The following GRM7 variants were observed in gnomAD, a reference collection of about 807,000 sequenced individuals.
GRM7 encodes glutamate metabotropic receptor 7, also known as metabotropic glutamate receptor 7.
Under a neutral mutation model 84.5 loss-of-function variants are expected in GRM7, and 35 were observed. The observed-to-expected ratio is 0.41, with a 90% CI of 0.32 to 0.55. The LOEUF is 0.55. GRM7 is among the 20% of genes least tolerant of loss of function. The probability of loss-of-function intolerance (pLI) is 0.19; values close to 1 mark genes in which losing one functional copy is unlikely to be tolerated. For synonymous variants in GRM7, 487 were observed against 455.1 expected, an observed-to-expected ratio of 1.07 and a Z score of -0.89; for missense variants, 1,003 against 1,194.6, an observed-to-expected ratio of 0.84 and a Z score of 2.36.
chr3:7,661,402 T>G (rs1287516304), intron 8 of GRM7, among the ~76,000 whole-genome samples: 1 of 152,182 alleles, frequency 6.6e-6, no homozygotes, highest in Admixed American at 6.5e-5. Flanking sequence ...TGAATTTTCC[T>G]GCACACCTAT....
intron 4 of GRM7, among the ~76,000 whole-genome samples, chr3:7,307,968 G>C (rs1700251523): frequency 6.6e-6 from 1 of 152,138 alleles, no homozygotes; most frequent in African/African-American, 2.4e-5. Flanking sequence ...TTACCATGGA[G>C]GCTTTCCTAG....
chr3:7,429,563 C>T (rs1343951260), intron 5 of GRM7, among the ~76,000 whole-genome samples: 1 of 152,000 alleles, frequency 6.6e-6, no homozygotes, highest in African/African-American at 2.4e-5. Flanking sequence ...TTTAATACCC[C>T]TGTGTCATTT....
chr3:7,438,314 A>C (rs751952547), intron 5 of GRM7, among the ~76,000 whole-genome samples: 2 of 152,024 alleles, frequency 1.3e-5, no homozygotes, highest in Non-Finnish European at 2.9e-5. Flanking sequence ...AACTGTGCTA[A>C]GCATTTGGGA....
At chr3:7,616,009 A>G (rs1697062709) in intron 8 of GRM7, among the ~76,000 whole-genome samples, 2 of 152,064 alleles carry the variant, frequency 1.3e-5, no homozygotes, top group South Asian at 4.1e-4. Flanking sequence ...ATATATTTTT[A>G]ATTTTATTCA....
chr3:7,666,969 A>G (rs1163602884), intron 8 of GRM7, among the ~76,000 whole-genome samples: 2 of 152,148 alleles, frequency 1.3e-5, no homozygotes, highest in African/African-American at 4.8e-5. Context: ...CGAATGCCCT[A>G]TTTTTGACAT....
chr3:7,686,280 G>C, intron 9 of GRM7: 1 of 691,204 alleles, frequency 1.4e-6, no homozygotes, highest in South Asian at 1.8e-5. Context: ...TTTCCCAAAA[G>C]GAAAATAATA....
chr3:7,218,344 A>G (rs2124867573), intron 2 of GRM7, among the ~76,000 whole-genome samples: 1 of 152,164 alleles, frequency 6.6e-6, no homozygotes, highest in South Asian at 2.1e-4. Flanking sequence ...AATTTATAGT[A>G]CCTTTATTTC....
chr3:7,641,003 C>A (rs1698342079), intron 8 of GRM7, among the ~76,000 whole-genome samples: 1 of 152,080 alleles, frequency 6.6e-6, no homozygotes, highest in Admixed American at 6.6e-5. Context: ...GTTTTAGAGC[C>A]CCAGAAGTTT....
chr3:7,101,052 A>T (rs1313185613), intron 1 of GRM7, among the ~76,000 whole-genome samples: 1 of 151,768 alleles, frequency 6.6e-6, no homozygotes. Context: ...GAATAAAGCC[A>T]TTGTGAATAT....
At chr3:7,089,040 C>G (rs1399189522) in intron 1 of GRM7, among the ~76,000 whole-genome samples, 1 of 152,128 alleles carries the variant, frequency 6.6e-6, no homozygotes, top group Non-Finnish European at 1.5e-5. Context: ...ACAGCAACAA[C>G]AAAAGGTCTG....
intron 8 of GRM7, among the ~76,000 whole-genome samples, chr3:7,603,214 G>A (rs1228125534): frequency 6.6e-6 from 1 of 151,976 alleles, no homozygotes; most frequent in African/African-American, 2.4e-5. Flanking sequence ...AAAGAGCTAG[G>A]CAAACATGGT....
At chr3:6,904,876 C>A (rs902332361) in intron 1 of GRM7, among the ~76,000 whole-genome samples, 2 of 151,970 alleles carry the variant, frequency 1.3e-5, no homozygotes, top group African/African-American at 4.8e-5. Flanking sequence ...ACATAGCACC[C>A]TCCTTGGATA....
At chr3:6,997,191 T>G (rs1694855925) in intron 1 of GRM7, among the ~76,000 whole-genome samples, 1 of 152,190 alleles carries the variant, frequency 6.6e-6, no homozygotes, top group South Asian at 2.1e-4. Context: ...ATTAGCTACA[T>G]TCAATAATTA....
At chr3:7,017,394 C>G (rs1182456638) in intron 1 of GRM7, among the ~76,000 whole-genome samples, 1 of 152,174 alleles carries the variant, frequency 6.6e-6, no homozygotes, top group East Asian at 1.9e-4. Context: ...CAGAAGAAAA[C>G]AAGTTTTATT....
At chr3:7,479,982 A>G (rs529580858) in intron 7 of GRM7, among the ~76,000 whole-genome samples, 1 of 152,332 alleles carries the variant, frequency 6.6e-6, no homozygotes, top group African/African-American at 2.4e-5. Flanking sequence ...CTTAATTTAA[A>G]TCAACTCATT....
intron 1 of GRM7, among the ~76,000 whole-genome samples, chr3:6,995,760 T>G (rs1408031759): frequency 6.6e-6 from 1 of 152,162 alleles, no homozygotes; most frequent in Non-Finnish European, 1.5e-5. Flanking sequence ...GAAATTATTT[T>G]TGAAAGGCTA....
intron 1 of GRM7, among the ~76,000 whole-genome samples, chr3:6,872,122 G>A (rs902869894): frequency 3.5e-4 from 54 of 152,128 alleles, no homozygotes; most frequent in Non-Finnish European, 1.5e-4. Flanking sequence ...AGGTATGAAA[G>A]ATCCACTAGT....
intron 4 of GRM7, among the ~76,000 whole-genome samples, chr3:7,362,314 T>C (rs1311054065): frequency 6.6e-6 from 1 of 150,680 alleles, no homozygotes; most frequent in African/African-American, 2.4e-5. Flanking sequence ...ATTTCCACCA[T>C]TAAAACTGTA....
chr3:7,373,987 G>C (rs2125120951), intron 4 of GRM7, among the ~76,000 whole-genome samples: 1 of 152,300 alleles, frequency 6.6e-6, no homozygotes, highest in African/African-American at 2.4e-5. Flanking sequence ...GCTCTGAATA[G>C]TGATTATGTC....
Sources: allele counts gnomAD v4.1 joint callset (sites outside exome capture counted in the v4.1 genomes callset), GRCh38; gene constraint gnomAD v4.1.1; transcripts MANE v1.5; gene names NCBI Gene and HGNC (gene_info 2026-07-23, HGNC 2026-07-21).